Variants in MTHFD1L observed in about 807,000 individuals in gnomAD.
MTHFD1L encodes the protein monofunctional C1-tetrahydrofolate synthase, mitochondrial.
A neutral mutation model predicts 119.5 loss-of-function variants in MTHFD1L; 81 were observed. That is an observed-to-expected ratio of 0.68 (90% confidence interval 0.57 to 0.82). MTHFD1L has a LOEUF of 0.82. Among genes scored for constraint, MTHFD1L ranks in the 40% least tolerant of loss-of-function variants. The pLI, the probability that MTHFD1L is intolerant of heterozygous loss-of-function variation, is 0.00. For missense variants in MTHFD1L, 1,125 were observed against 1,253.4 expected (o/e 0.90, Z 1.55); for synonymous variants, 430 against 475.2 (o/e 0.90, Z 1.24).
intron 7 of MTHFD1L, among the ~76,000 whole-genome samples, chr6:150,903,526 T>A (rs768788828): frequency 7.2e-5 from 11 of 152,060 alleles, no homozygotes; most frequent in Admixed American, 1.3e-4. Flanking sequence ...AAGCGATCCT[T>A]CCACCTCAAC....
intron 13 of MTHFD1L, among the ~76,000 whole-genome samples, chr6:150,943,706 A>G (rs1793515799): frequency 6.6e-6 from 1 of 152,232 alleles, no homozygotes; most frequent in East Asian, 1.9e-4. Context: ...ACAAAAGATT[A>G]TTATAGAAAA....
At chr6:150,898,925 C>A in intron 7 of MTHFD1L, 1 of 1,024,858 alleles carries the variant, frequency 9.8e-7, no homozygotes, top group Non-Finnish European at 1.2e-6. Flanking sequence ...GCAAGCTCTG[C>A]CTCCCAGGTT....
At chr6:150,980,550 C>T (rs1454087188) in intron 20 of MTHFD1L, among the ~76,000 whole-genome samples, 2 of 152,150 alleles carry the variant, frequency 1.3e-5, no homozygotes, top group South Asian at 2.1e-4. Flanking sequence ...CTTAACATGT[C>T]GCTGTGTGTC....
intron 24 of MTHFD1L, among the ~76,000 whole-genome samples, chr6:151,032,740 T>C (rs1362201368): frequency 6.6e-6 from 1 of 152,230 alleles, no homozygotes; most frequent in African/African-American, 2.4e-5. Context: ...ACTCAGACTC[T>C]TTTTATGTCC....
At chr6:151,062,562 A>G (rs1562616525) in intron 26 of MTHFD1L, among the ~76,000 whole-genome samples, 1 of 152,224 alleles carries the variant, frequency 6.6e-6, no homozygotes, top group East Asian at 1.9e-4. Context: ...CAAGTTACTT[A>G]TATTCTAGAG....
intron 26 of MTHFD1L, among the ~76,000 whole-genome samples, chr6:151,089,112 A>C (rs1794127994): frequency 6.6e-6 from 1 of 152,220 alleles, no homozygotes; most frequent in Non-Finnish European, 1.5e-5. Context: ...ATCATGTCAC[A>C]GTCTCAGAAG....
At chr6:150,916,006 A>G (rs1002647957) in intron 8 of MTHFD1L, among the ~76,000 whole-genome samples, 5 of 152,202 alleles carry the variant, frequency 3.3e-5, no homozygotes, top group Admixed American at 3.3e-4. Context: ...ACGAAACACA[A>G]CAATTCTCTC....
intron 10 of MTHFD1L, among the ~76,000 whole-genome samples, chr6:150,924,124 C>A (rs973414343): frequency 2.6e-5 from 4 of 152,196 alleles, no homozygotes; most frequent in Non-Finnish European, 5.9e-5. Flanking sequence ...TCTAGACCCA[C>A]TGGGCAAAGA....
rs2128545595 is a variant in MTHFD1L, at chr6:151,039,247, G to A, written c.2847+2130G>A. Among the ~76,000 whole-genome samples, 1 of 152,302 alleles carries A rather than the reference G, an allele frequency of 6.6e-6. No individual in the cohort carries two copies. The highest frequency in any genetic ancestry group is 2.1e-4 in the South Asian group (1 of 4,824). On this transcript the variant is annotated intron_variant, in intron 26 of 27. Transcript: ENST00000367321. The surrounding 1 kb of genome is among the most constrained non-coding windows in gnomAD (Gnocchi z 4.4). Reference sequence around the variant, plus strand: ...CCGCTCGTAGCAGTGTTGGCACAGGGAGAAGGGCCTGGATGAAATGGGTTC... The same window carrying A: ...CCGCTCGTAGCAGTGTTGGCACAGGAAGAAGGGCCTGGATGAAATGGGTTC...
chr6:150,967,018 G>A (rs536332148), intron 19 of MTHFD1L, among the ~76,000 whole-genome samples: 7 of 152,292 alleles, frequency 4.6e-5, no homozygotes, highest in African/African-American at 1.7e-4. Context: ...TGTCCTTCCC[G>A]TCTTTCCTCT....
chr6:151,080,120 G>C (rs1793001325), intron 26 of MTHFD1L, among the ~76,000 whole-genome samples: 1 of 152,092 alleles, frequency 6.6e-6, no homozygotes, highest in African/African-American at 2.4e-5. Flanking sequence ...GGAGATTTCA[G>C]TGAGCCGAGA....
chr6:151,059,076 C>T (rs1790332460), intron 26 of MTHFD1L, among the ~76,000 whole-genome samples: 1 of 151,810 alleles, frequency 6.6e-6, no homozygotes. Flanking sequence ...CTGAAGGAGT[C>T]GGGCTCTCTG....
intron 20 of MTHFD1L, among the ~76,000 whole-genome samples, chr6:150,997,949 A>C (rs1431928800): frequency 2.6e-5 from 4 of 152,180 alleles, no homozygotes; most frequent in Non-Finnish European, 4.4e-5. Flanking sequence ...ACAAAGTGGC[A>C]GGTCCGTCTC....
At chr6:150,882,487 C>T (rs532204496) in intron 4 of MTHFD1L, among the ~76,000 whole-genome samples, 1 of 152,156 alleles carries the variant, frequency 6.6e-6, no homozygotes, top group South Asian at 2.1e-4. Context: ...TCTGTTTTGT[C>T]TTTTTCTGGC....
intron 20 of MTHFD1L, among the ~76,000 whole-genome samples, chr6:150,996,497 G>C (rs968833599): frequency 6.6e-6 from 1 of 152,074 alleles, no homozygotes; most frequent in Admixed American, 6.6e-5. Flanking sequence ...ATCAGCAGCA[G>C]CAGAAAAACC....
At chr6:151,003,979 A>G (rs1319834502) in intron 20 of MTHFD1L, among the ~76,000 whole-genome samples, 2 of 150,192 alleles carry the variant, frequency 1.3e-5, no homozygotes, top group African/African-American at 4.9e-5. Context: ...AGGGCCTTCT[A>G]ATGAAGTGAG....
At chr6:151,072,504 A>G (rs757858637) in intron 26 of MTHFD1L, among the ~76,000 whole-genome samples, 1 of 151,700 alleles carries the variant, frequency 6.6e-6, no homozygotes, top group African/African-American at 2.4e-5. Flanking sequence ...AAAGTACACA[A>G]TATGGCCAGG....
chr6:150,968,583 C>T (rs1375191816), intron 19 of MTHFD1L, among the ~76,000 whole-genome samples: 1 of 151,974 alleles, frequency 6.6e-6, no homozygotes, highest in Non-Finnish European at 1.5e-5. Flanking sequence ...GATCTCGGCT[C>T]ACTGCAACCT....
intron 26 of MTHFD1L, among the ~76,000 whole-genome samples, chr6:151,088,623 A>T (rs1486358646): frequency 1.6e-5 from 2 of 128,624 alleles, no homozygotes; most frequent in African/African-American, 2.9e-5. Context: ...CACCCAGCTA[A>T]TTTTTTTTTT....
Sources: allele counts gnomAD v4.1 joint callset (sites outside exome capture counted in the v4.1 genomes callset), GRCh38; gene constraint gnomAD v4.1.1; non-coding constraint Gnocchi (gnomAD v3.1); transcripts MANE v1.5; gene names NCBI Gene and HGNC (gene_info 2026-07-23, HGNC 2026-07-21).